RAD51B: variants seen among roughly 807,000 people sequenced by gnomAD.
The protein encoded by RAD51B is RAD51 paralog B.
In RAD51B, 38 loss-of-function variants were observed where a neutral mutation model predicts 42.2. That is an observed-to-expected ratio of 0.90 (90% CI 0.70 to 1.18). RAD51B has a LOEUF of 1.18. Ranked by LOEUF, RAD51B falls within the 50% of genes most tolerant of loss-of-function variation. The pLI is 0.00. For synonymous variants in RAD51B, 154 were observed against 145.2 expected (o/e 1.06, Z -0.43); for missense variants, 373 against 400.7 (o/e 0.93, Z 0.59).
At chr14:68,310,930 A>C (rs1198728758) in intron 8 of RAD51B, among the ~76,000 whole-genome samples, 1 of 151,792 alleles carries the variant, frequency 6.6e-6, no homozygotes, top group Non-Finnish European at 1.5e-5. Flanking sequence ...TCACCTCTTA[A>C]CTCCTCATCT....
intron 9 of RAD51B, among the ~76,000 whole-genome samples, chr14:68,429,169 G>T (rs1403126459): frequency 1.3e-5 from 2 of 152,148 alleles, no homozygotes; most frequent in Non-Finnish European, 2.9e-5. Context: ...GGACATTTGG[G>T]TTGGTTCCAA....
chr14:68,590,983 C>A (rs1384396809), intron 10 of RAD51B, among the ~76,000 whole-genome samples: 1 of 152,192 alleles, frequency 6.6e-6, no homozygotes, highest in African/African-American at 2.4e-5. Context: ...ATGGACCCCT[C>A]CCCTCCCCTC....
intron 7 of RAD51B, among the ~76,000 whole-genome samples, chr14:68,051,873 T>G (rs2076398930): frequency 1.5e-5 from 2 of 137,216 alleles, no homozygotes; most frequent in Non-Finnish European, 3.1e-5. Context: ...TCCTCCCACA[T>G]ATGTGTGTGT....
At chr14:68,560,278 T>A (rs564357811) in intron 10 of RAD51B, among the ~76,000 whole-genome samples, 366 of 152,200 alleles carry the variant, frequency 2.4e-3, no homozygotes, top group Middle Eastern at 3.4e-3. Context: ...GGAAAAAAAA[T>A]TCTTTTTCAA....
At chr14:67,956,689 A>G (rs1271821845) in intron 7 of RAD51B, among the ~76,000 whole-genome samples, 3 of 152,226 alleles carry the variant, frequency 2.0e-5, no homozygotes, top group African/African-American at 7.2e-5. Context: ...AAACCAAGTC[A>G]TGCATAATAT....
intron 7 of RAD51B, among the ~76,000 whole-genome samples, chr14:68,015,225 G>A (rs2075757412): frequency 1.3e-5 from 2 of 152,150 alleles, no homozygotes; most frequent in South Asian, 2.1e-4. Context: ...GCTCATAAAT[G>A]TGCGCTCCTA....
chr14:68,227,751 T>C (rs777596283), intron 7 of RAD51B, among the ~76,000 whole-genome samples: 66 of 152,160 alleles, frequency 4.3e-4, no homozygotes, highest in Non-Finnish European at 1.0e-4. Flanking sequence ...GATTCTATAG[T>C]CTGACCATCC....
intron 10 of RAD51B, among the ~76,000 whole-genome samples, chr14:68,645,638 T>C (rs576819579): frequency 6.6e-6 from 1 of 152,226 alleles, no homozygotes; most frequent in Non-Finnish European, 1.5e-5. Flanking sequence ...ACAGTTTCAA[T>C]GTCTCTACAT....
intron 11 of RAD51B, among the ~76,000 whole-genome samples, chr14:68,670,958 G>C (rs905962934): frequency 2.6e-5 from 4 of 152,150 alleles, no homozygotes; most frequent in Non-Finnish European, 5.9e-5. Flanking sequence ...CAAGGATAAG[G>C]GTCTCTTCTG....
At chr14:68,089,121 A>G (rs1247195675) in intron 7 of RAD51B, among the ~76,000 whole-genome samples, 1 of 151,886 alleles carries the variant, frequency 6.6e-6, no homozygotes, top group Non-Finnish European at 1.5e-5. Flanking sequence ...CCCCACTCTC[A>G]TTAGTCACTC....
downstream of RAD51B, among the ~76,000 whole-genome samples, chr14:68,613,671 G>T (rs1007801066): frequency 6.6e-6 from 1 of 151,858 alleles, no homozygotes; most frequent in African/African-American, 2.4e-5. Context: ...AGCCAGGATG[G>T]TCTCGATCTC....
At chr14:68,455,603 C>T (rs950377020) in intron 9 of RAD51B, among the ~76,000 whole-genome samples, 1 of 151,916 alleles carries the variant, frequency 6.6e-6, no homozygotes, top group Non-Finnish European at 1.5e-5. Flanking sequence ...GCCTGTAGTC[C>T]CAGCTACTCG....
chr14:68,193,337 C>T (rs2079304539), intron 7 of RAD51B, among the ~76,000 whole-genome samples: 2 of 152,150 alleles, frequency 1.3e-5, no homozygotes, highest in Non-Finnish European at 2.9e-5. Context: ...GTTGCTGAAG[C>T]ACTTAGTTCA....
At chr14:68,448,633 A>G (rs2085478838) in intron 9 of RAD51B, among the ~76,000 whole-genome samples, 1 of 152,202 alleles carries the variant, frequency 6.6e-6, no homozygotes, top group African/African-American at 2.4e-5. Flanking sequence ...GGTTTTATGT[A>G]ATTTCCAAGT....
intron 8 of RAD51B, among the ~76,000 whole-genome samples, chr14:68,311,330 A>G (rs1355198100): frequency 1.3e-5 from 2 of 152,202 alleles, no homozygotes; most frequent in East Asian, 1.9e-4. Context: ...AAAAATTTTC[A>G]GGAAATCTGG....
intron 8 of RAD51B, among the ~76,000 whole-genome samples, chr14:68,368,632 G>A (rs913967503): frequency 4.6e-5 from 7 of 152,190 alleles, no homozygotes; most frequent in Non-Finnish European, 8.8e-5. Context: ...TATGCTCTAT[G>A]ATGGGGCAGT....
rs112849957 is a variant in RAD51B at position 68,374,058 on chromosome 14, T to C, written c.854-37366T>C. Among the ~76,000 whole-genome samples the C allele has an allele frequency of 5.3e-5, 8 of 152,326 alleles. 1 individual carries two copies. The highest frequency in any genetic ancestry group is 1.9e-4 in the African/African-American group (8 of 41,580). On this transcript the variant is annotated intron_variant, in intron 8 of 10. Coordinates refer to ENST00000471583, the MANE Select transcript of RAD51B (RefSeq NM_133510.4). ...TTTCATACCAGACATGTTAATTATCTTCATTTTAAAGATGAGGAAATGAAA... is the reference window on the plus strand; with the variant it reads ...TTTCATACCAGACATGTTAATTATCCTCATTTTAAAGATGAGGAAATGAAA...
At chr14:68,606,001 C>CTGTCA (rs1387031508) in intron 10 of RAD51B, among the ~76,000 whole-genome samples, 2 of 152,196 alleles carry the variant, frequency 1.3e-5, no homozygotes, top group Non-Finnish European at 2.9e-5. Context: ...GAAGTCTAAA[C>CTGTCA]TGTCAGTCAG....
At chr14:67,926,974 G>C (rs1051249814) in intron 7 of RAD51B, among the ~76,000 whole-genome samples, 32 of 152,262 alleles carry the variant, frequency 2.1e-4, no homozygotes, top group Non-Finnish European at 4.4e-4. Flanking sequence ...AAAACCTTCA[G>C]TAACTCATAG....
Sources: allele counts gnomAD v4.1 joint callset (sites outside exome capture counted in the v4.1 genomes callset), GRCh38; gene constraint gnomAD v4.1.1; transcripts MANE v1.5; gene names NCBI Gene and HGNC (gene_info 2026-07-23, HGNC 2026-07-21).